The following GRM4 variants were observed in gnomAD, a reference collection of about 807,000 sequenced individuals.
GRM4 encodes glutamate metabotropic receptor 4, also known as metabotropic glutamate receptor 4.
GRM4 carries 28 observed loss-of-function variants against 81.7 expected under a neutral mutation model. The ratio of observed to expected loss-of-function variants is 0.34; its 90% CI spans 0.25 to 0.47. The LOEUF (loss-of-function observed/expected upper bound fraction) is 0.47, where lower values mean the gene tolerates loss of function less well. Ranked by LOEUF, GRM4 falls within the 20% of genes least tolerant of loss-of-function variation. GRM4 has a pLI of 1.00. For synonymous variants in GRM4, 488 were observed against 528.8 expected, an observed-to-expected ratio of 0.92 and a Z score of 1.06; for missense variants, 948 against 1,290.0, an observed-to-expected ratio of 0.73 and a Z score of 4.06.
chr6:34,088,806 G>A (rs9469711), intron 3 of GRM4, among the ~76,000 whole-genome samples: 71,640 of 152,128 alleles, frequency 0.47, 17,756 homozygotes, highest in African/African-American at 0.62. Context: ...TAGTCACAGG[G>A]GGTGTCTGGC....
chr6:34,055,406 GT>G (rs1475421642), intron 6 of GRM4: 1 of 152,184 alleles, frequency 6.6e-6, no homozygotes, highest in Admixed American at 6.5e-5. Context: ...GTGGCTGCAA[GT>G]CCCCGTGGGC....
At chr6:34,037,870 A>G (rs1280814360) in intron 8 of GRM4, among the ~76,000 whole-genome samples, 3 of 151,694 alleles carry the variant, frequency 2.0e-5, no homozygotes, top group Non-Finnish European at 4.4e-5. Flanking sequence ...TCAAAAAAAA[A>G]AAAAAAAAAA....
intron 6 of GRM4, among the ~76,000 whole-genome samples, chr6:34,045,726 CCT>C (rs1246325007): frequency 6.6e-6 from 1 of 152,174 alleles, no homozygotes; most frequent in Non-Finnish European, 1.5e-5. Flanking sequence ...AGGAAAATCC[CCT>C]CTCATGGGTG....
exon 1 of GRM4, chr6:34,155,097 G>A (rs1435444933): frequency 6.6e-7 from 1 of 1,525,728 alleles, no homozygotes. Flanking sequence ...ATTCCGGAAG[G>A]AGGCAGCGGG....
intron 2 of GRM4, among the ~76,000 whole-genome samples, chr6:34,117,856 A>G (rs567595228): frequency 6.6e-6 from 1 of 152,358 alleles, no homozygotes; most frequent in Admixed American, 6.5e-5. Flanking sequence ...CTGGAAATAC[A>G]TAGATGCAGC....
Position 34,051,318 on chromosome 6 carries a change from C to T in GRM4, c.1168+5226G>A, listed in dbSNP as rs77507279. ...AAAAATTAAATGCAAAATACTGGAACAGAGCTTGACAATTAATAAATGCTA... is the reference window on the plus strand; with the variant it reads ...AAAAATTAAATGCAAAATACTGGAATAGAGCTTGACAATTAATAAATGCTA... On this transcript the variant is annotated intron_variant, in intron 6 of 10. Coordinates refer to ENST00000538487, the MANE Select transcript of GRM4 (RefSeq NM_000841.4). Among the ~76,000 whole-genome samples the T allele has an allele frequency of 9.4e-3, 1,433 of 152,332 alleles. 10 individuals are homozygous for T. The highest frequency in any genetic ancestry group is 0.015 in the Non-Finnish European group (1,002 of 68,030).
Position 34,092,421 on chromosome 6 carries a change from A to G in GRM4, c.520-322T>C, listed in dbSNP as rs1190474190. 3.3e-5 allele frequency among the ~76,000 whole-genome samples: 5 copies of G among 152,124 alleles called. No homozygotes were observed. Among genetic ancestry groups the G allele is most frequent in the African/African-American group, 7.2e-5 (3 of 41,426 alleles). On this transcript the variant is annotated intron_variant, in intron 2 of 10. Transcript: ENST00000538487. The surrounding 1 kb of genome is among the most constrained non-coding windows in gnomAD (Gnocchi z 6.8). ...ATCCCAGCCCAGGGAAAATCCCCAC[A>G]TACGTGAGATGATTCAGCCTGGGGA...
At chr6:34,112,731 C>A (rs549036811) in intron 2 of GRM4, among the ~76,000 whole-genome samples, 2 of 152,308 alleles carry the variant, frequency 1.3e-5, no homozygotes, top group Non-Finnish European at 2.9e-5. Context: ...CTCAGCCCCC[C>A]GCCCTATCCC....
chr6:34,105,032 C>T (rs1216729415), intron 2 of GRM4, among the ~76,000 whole-genome samples: 2 of 151,986 alleles, frequency 1.3e-5, no homozygotes, highest in African/African-American at 2.4e-5. Flanking sequence ...GTGGCCAGGC[C>T]GAGAAAATTA....
chr6:34,067,140 C>T (rs1220212080), intron 3 of GRM4, among the ~76,000 whole-genome samples: 1 of 152,194 alleles, frequency 6.6e-6, no homozygotes, highest in Non-Finnish European at 1.5e-5. Flanking sequence ...TCAGGCATCC[C>T]CACGTGAACA....
chr6:34,121,754 G>C lies in GRM4; in HGVS notation c.519+11224C>G, dbSNP rs1769820434. Among the ~76,000 whole-genome samples the C allele has an allele frequency of 6.6e-6, 1 of 152,168 alleles. No homozygotes were observed. The highest frequency in any genetic ancestry group is 2.4e-5 in the African/African-American group (1 of 41,436). ...AGACAACTGAGGTCCAGGAATGAAGGAATGGGAGGAGGGACAGGAAGGAGA... is the reference window on the plus strand; with the variant it reads ...AGACAACTGAGGTCCAGGAATGAAGCAATGGGAGGAGGGACAGGAAGGAGA... On this transcript the variant is annotated intron_variant, in intron 2 of 10. Coordinates refer to ENST00000538487, the MANE Select transcript of GRM4 (RefSeq NM_000841.4). This position sits in a 1 kb window ranked among gnomAD's most constrained non-coding sequence, Gnocchi z 4.6.
chr6:34,098,991 C>T (rs1228105610), intron 2 of GRM4, among the ~76,000 whole-genome samples: 2 of 152,124 alleles, frequency 1.3e-5, no homozygotes, highest in East Asian at 3.9e-4. Flanking sequence ...CAGGGCTCCC[C>T]CTCACAGAGC....
chr6:34,128,495 A>G (rs1176689502), intron 2 of GRM4, among the ~76,000 whole-genome samples: 1 of 149,416 alleles, frequency 6.7e-6, no homozygotes, highest in Non-Finnish European at 1.5e-5. Context: ...CATCTGCCTC[A>G]GCCTCCCAAG....
intron 2 of GRM4, chr6:34,102,025 T>C: frequency 6.5e-7 from 1 of 1,535,598 alleles, no homozygotes; most frequent in Non-Finnish European, 8.7e-7. Flanking sequence ...TCCTTACCTG[T>C]CCTCCACCCC....
At chr6:34,154,590 T>TACACACAC (rs57603011) in intron 1 of GRM4, among the ~76,000 whole-genome samples, 4,480 of 145,032 alleles carry the variant, frequency 0.031, 166 homozygotes, top group African/African-American at 0.092. Context: ...TGGTCCTGAC[T>TACACACAC]ACACACACAC....
Position 34,154,983 on chromosome 6 carries a change from A to C in GRM4, c.312+96T>G, listed in dbSNP as rs1400137674. ...AGCGGCCGGGCCTGGGGCGGGTCCGAGCGGGACCCAGGCCCAGTCTACGCC... is the reference window on the plus strand; with the variant it reads ...AGCGGCCGGGCCTGGGGCGGGTCCGCGCGGGACCCAGGCCCAGTCTACGCC... On this transcript the variant is annotated intron_variant, in intron 1 of 8. Transcript: ENST00000374177. The C allele has an allele frequency of 2.9e-5, 31 of 1,057,858 alleles. No individual in the cohort carries two copies. In the East Asian group the frequency reaches 9.0e-4, roughly 31 times the overall value. The allele number at this position is 1,057,858 out of a possible 1,614,324, so 65.5% of individuals were successfully genotyped here. A position where few individuals can be genotyped will look rare whatever the true frequency, so the allele number is the denominator to read the frequency against.
rs1021957588 is a variant in GRM4 at position 34,048,678 on chromosome 6, T to C, written c.1168+7866A>G. ...ATCCCCACATGTCAGGGAAGGGACT[T>C]GGTGGGAGGTGATTGGATCATGGGG... On this transcript the variant is annotated intron_variant, in intron 6 of 10. Coordinates refer to ENST00000538487, the MANE Select transcript of GRM4 (RefSeq NM_000841.4). This position sits in a 1 kb window ranked among gnomAD's most constrained non-coding sequence, Gnocchi z 4.0. Among the ~76,000 whole-genome samples the C allele has an allele frequency of 2.0e-5, 3 of 152,196 alleles. No individual in the cohort carries two copies. The highest frequency in any genetic ancestry group is 3.4e-3 in the Middle Eastern group (1 of 292).
chr6:34,076,275 C>T (rs550564154), intron 3 of GRM4, among the ~76,000 whole-genome samples: 2 of 152,240 alleles, frequency 1.3e-5, no homozygotes, highest in African/African-American at 4.8e-5. Flanking sequence ...CCCTCCCACC[C>T]ACCCCACCGC....
chr6:34,049,995 G>A (rs1482744872), intron 6 of GRM4, among the ~76,000 whole-genome samples: 1 of 152,124 alleles, frequency 6.6e-6, no homozygotes, highest in Non-Finnish European at 1.5e-5. Context: ...ACCCTGCAAT[G>A]GCTTGTCCCA....
Sources: allele counts gnomAD v4.1 joint callset (sites outside exome capture counted in the v4.1 genomes callset), GRCh38; gene constraint gnomAD v4.1.1; non-coding constraint Gnocchi (gnomAD v3.1); transcripts MANE v1.5; gene names NCBI Gene and HGNC (gene_info 2026-07-23, HGNC 2026-07-21).